The following INCA1 variants were observed in gnomAD, a reference collection of about 807,000 sequenced individuals.
INCA1 encodes the protein protein INCA1.
A neutral mutation model predicts 25.7 loss-of-function variants in INCA1; 28 were observed. That is an observed-to-expected ratio of 1.09 (90% confidence interval 0.81 to 1.49). The LOEUF (loss-of-function observed/expected upper bound fraction) is 1.49. INCA1 is among the 40% of genes most tolerant of loss of function. The pLI is 0.00. For missense variants in INCA1, 309 were observed against 290.9 expected (o/e 1.06, Z -0.45); for synonymous variants, 111 against 103.6 (o/e 1.07, Z -0.43).
exon 5 of INCA1, chr17:4,989,603 G>A: frequency 6.2e-7 from 1 of 1,613,930 alleles, no homozygotes; most frequent in South Asian, 1.1e-5. Flanking sequence ...TACAGACCAA[G>A]CTGGGAGCAA....
chr17:4,989,466 G>A, exon 5 of INCA1: 2 of 1,614,134 alleles, frequency 1.2e-6, no homozygotes, highest in Non-Finnish European at 1.7e-6. Flanking sequence ...GGTCCTCCAG[G>A]TGGTAAGTGA....
intron 2 of INCA1, among the ~76,000 whole-genome samples, chr17:4,993,762 C>G (rs975635694): frequency 6.3e-5 from 9 of 141,850 alleles, no homozygotes; most frequent in Non-Finnish European, 1.1e-4. Flanking sequence ...GCCACCGTGC[C>G]TGGCCTTTTT....
In INCA1 at chr17:4,988,761, G is replaced by A; in HGVS notation, c.561+18C>T. On this transcript the variant is annotated intron_variant, in intron 6 of 6. Transcript: ENST00000576820. ...CCACATCACTCCCTCACTCCACCCA[G>A]TTCCACTCCAACAATACCTGGGCCC... 6.2e-7 allele frequency: 1 copy of A among 1,614,010 alleles called. No homozygotes were observed. The highest frequency in any genetic ancestry group is 8.5e-7 in the Non-Finnish European group (1 of 1,179,910).
chr17:4,989,487 C>T (rs2143166026), exon 5 of INCA1: 4 of 1,614,208 alleles, frequency 2.5e-6, no homozygotes, highest in Non-Finnish European at 2.5e-6. Context: ...CAGCCCTCAC[C>T]CGGGCGGGGA....
intron 1 of INCA1, chr17:4,996,839 AC>A (rs1974321351): frequency 6.5e-6 from 1 of 153,152 alleles, no homozygotes; most frequent in Admixed American, 6.5e-5. Context: ...AGAGAAGTAT[AC>A]CGTGCGGAAG....
chr17:4,990,837 C>T (rs551388996), intron 2 of INCA1, among the ~76,000 whole-genome samples: 1 of 149,356 alleles, frequency 6.7e-6, no homozygotes, highest in South Asian at 2.2e-4. Context: ...GAGTCGAAAT[C>T]GCGCCATTGC....
intron 2 of INCA1, among the ~76,000 whole-genome samples, chr17:4,990,795 A>C (rs890276014): frequency 2.7e-5 from 4 of 150,238 alleles, no homozygotes; most frequent in Non-Finnish European, 5.9e-5. Context: ...AGGCAGGAGA[A>C]TCACTTGAAC....
chr17:4,993,678 C>A (rs1974031502), intron 2 of INCA1, among the ~76,000 whole-genome samples: 1 of 151,602 alleles, frequency 6.6e-6, no homozygotes, highest in South Asian at 2.1e-4. Flanking sequence ...CTTTGTTAGC[C>A]AGGATGGTCT....
At chr17:4,990,229 C>T (rs199908727) in exon 3 of INCA1, 18 of 1,613,982 alleles carry the variant, frequency 1.1e-5, no homozygotes, top group Admixed American at 3.3e-5. Context: ...GGGAAGGCAA[C>T]CTTGGGGGTG....
At chr17:4,990,897 C>G (rs2143190003) in intron 2 of INCA1, among the ~76,000 whole-genome samples, 1 of 150,040 alleles carries the variant, frequency 6.7e-6, no homozygotes, top group East Asian at 2.0e-4. Flanking sequence ...AAAAAAATTG[C>G]AAAAAATCTC....
At chr17:4,989,831 G>C (rs1345993140) in intron 4 of INCA1, 59 bp downstream of exon 4, 5 of 1,612,558 alleles carry the variant, frequency 3.1e-6, no homozygotes, top group Non-Finnish European at 4.2e-6. Context: ...GCTTGGGACA[G>C]GACAGCAGTG....
At chr17:4,992,988 T>G (rs1039771776) in intron 2 of INCA1, among the ~76,000 whole-genome samples, 6 of 152,060 alleles carry the variant, frequency 3.9e-5, no homozygotes, top group Non-Finnish European at 4.4e-5. Context: ...CAAGTGATTC[T>G]CCTGCCTCAG....
chr17:4,988,497 G>T, exon 7 of INCA1: 2 of 1,614,154 alleles, frequency 1.2e-6, no homozygotes, highest in Non-Finnish European at 1.7e-6. Context: ...AGAGAGTGCA[G>T]CTGCCTGGAG....
intron 2 of INCA1, among the ~76,000 whole-genome samples, chr17:4,992,385 CAA>C (rs1035831831): frequency 2.0e-5 from 3 of 151,968 alleles, no homozygotes; most frequent in African/African-American, 7.3e-5. Flanking sequence ...TGGGCTCAAG[CAA>C]TCCTCCTGCC....
chr17:4,996,688 AAAAG>A (rs1974302991), intron 1 of INCA1, among the ~76,000 whole-genome samples: 1 of 150,740 alleles, frequency 6.6e-6, no homozygotes, highest in African/African-American at 2.4e-5. Context: ...AAAAAAAAAA[AAAAG>A]AATACTAGAT....
At chr17:4,988,495 C>A (rs897001691) in exon 7 of INCA1, 1 of 1,614,140 alleles carries the variant, frequency 6.2e-7, no homozygotes, top group South Asian at 1.1e-5. Context: ...CCAGAGAGTG[C>A]AGCTGCCTGG....
At chr17:4,993,766 C>A (rs921451717) in intron 2 of INCA1, among the ~76,000 whole-genome samples, 1 of 138,788 alleles carries the variant, frequency 7.2e-6, no homozygotes, top group Non-Finnish European at 1.5e-5. Flanking sequence ...CCGTGCCTGG[C>A]CTTTTTTTTT....
intron 2 of INCA1, among the ~76,000 whole-genome samples, chr17:4,991,497 C>G (rs1036918377): frequency 2.6e-5 from 4 of 152,230 alleles, no homozygotes; most frequent in African/African-American, 9.6e-5. Flanking sequence ...GTGTGCAGAG[C>G]TGTTTGAGAA....
At chr17:4,990,952 C>G (rs915463811) in intron 2 of INCA1, among the ~76,000 whole-genome samples, 4 of 151,396 alleles carry the variant, frequency 2.6e-5, no homozygotes, top group Non-Finnish European at 5.9e-5. Flanking sequence ...CCGTTTCACT[C>G]TTGTCACCCA....
Sources: gnomAD v4.1 joint callset for allele counts (sites outside exome capture counted in the v4.1 genomes callset) on GRCh38, gnomAD v4.1.1 for gene constraint, MANE v1.5 for transcripts, NCBI Gene and HGNC (gene_info 2026-07-23, HGNC 2026-07-21) for gene names.